The following ITPRID1 variants were observed in gnomAD, a reference collection of about 807,000 sequenced individuals.
ITPRID1 encodes the protein protein ITPRID1.
Under a neutral mutation model 95.4 loss-of-function variants are expected in ITPRID1, and 96 were observed. That is an observed-to-expected ratio of 1.01 (90% CI 0.85 to 1.19). ITPRID1 has a LOEUF of 1.19. Ranked by LOEUF, ITPRID1 falls within the 50% of genes most tolerant of loss-of-function variation. ITPRID1 has a pLI of 0.00. For missense variants in ITPRID1, 1,339 were observed against 1,252.9 expected (o/e 1.07, Z -1.04); for synonymous variants, 510 against 453.6 (o/e 1.12, Z -1.58).
intron 10 of ITPRID1, among the ~76,000 whole-genome samples, chr7:31,590,796 T>A (rs1785832940): frequency 6.6e-6 from 1 of 152,234 alleles, no homozygotes; most frequent in Non-Finnish European, 1.5e-5. Flanking sequence ...ACAGACACAC[T>A]GTGACAGGTA....
At chr7:31,601,552 A>C (rs975477245) in intron 10 of ITPRID1, among the ~76,000 whole-genome samples, 3 of 152,178 alleles carry the variant, frequency 2.0e-5, no homozygotes, top group Admixed American at 6.5e-5. Context: ...AAATTGCTCA[A>C]AGATGAAAGA....
chr7:31,644,011 G>A (rs539553402), intron 12 of ITPRID1, 58 bp downstream of exon 12: 3 of 1,457,916 alleles, frequency 2.1e-6, no homozygotes, highest in Non-Finnish European at 2.8e-6. Flanking sequence ...AAACACCTCA[G>A]GGATAATATT....
At chr7:31,616,306 C>A (rs1295943549) in intron 10 of ITPRID1, among the ~76,000 whole-genome samples, 36 of 152,032 alleles carry the variant, frequency 2.4e-4, no homozygotes, top group African/African-American at 8.2e-4. Flanking sequence ...ATGGTTATCC[C>A]TTCAGGGTCT....
intron 10 of ITPRID1, among the ~76,000 whole-genome samples, chr7:31,607,067 C>G (rs1253557791): frequency 6.6e-6 from 1 of 152,000 alleles, no homozygotes; most frequent in Non-Finnish European, 1.5e-5. Context: ...GAGCTCATGT[C>G]TTTCTTTCTT....
At chr7:31,546,951 C>CA (rs1309163750) in intron 1 of ITPRID1, among the ~76,000 whole-genome samples, 3 of 151,880 alleles carry the variant, frequency 2.0e-5, no homozygotes, top group Non-Finnish European at 2.9e-5. Flanking sequence ...AGAAAATCAG[C>CA]AAAAAAGCTT....
intron 1 of ITPRID1, among the ~76,000 whole-genome samples, chr7:31,546,166 C>T (rs1784090138): frequency 6.6e-6 from 1 of 152,042 alleles, no homozygotes; most frequent in African/African-American, 2.4e-5. Flanking sequence ...CTTGAAACTG[C>T]ATGCCCAATG....
chr7:31,579,180 G>T (rs548203140), intron 9 of ITPRID1, among the ~76,000 whole-genome samples: 94 of 150,762 alleles, frequency 6.2e-4, no homozygotes, highest in African/African-American at 2.1e-3. Context: ...TCAGAGTTGG[G>T]TTTTTTTTTC....
chr7:31,533,897 C>T (rs2128130939), intron 1 of ITPRID1, among the ~76,000 whole-genome samples: 1 of 152,236 alleles, frequency 6.6e-6, no homozygotes, highest in East Asian at 1.9e-4. Flanking sequence ...TCCCCAACCC[C>T]AGGCTGTGGA....
intron 10 of ITPRID1, among the ~76,000 whole-genome samples, chr7:31,630,910 T>A (rs1788932608): frequency 6.6e-6 from 1 of 151,916 alleles, no homozygotes; most frequent in Admixed American, 6.6e-5. Flanking sequence ...CATACAAAAA[T>A]GTATGAAATA....
chr7:31,532,441 A>G (rs1267088582), intron 1 of ITPRID1, among the ~76,000 whole-genome samples: 1 of 152,196 alleles, frequency 6.6e-6, no homozygotes, highest in Non-Finnish European at 1.5e-5. Context: ...CAATTTGAGG[A>G]GGAAGTGCTC....
At chr7:31,657,086 T>C (rs900261014), downstream of ITPRID1, among the ~76,000 whole-genome samples, 7 of 8,866 alleles carry the variant, frequency 7.9e-4, no homozygotes, top group Non-Finnish European at 1.1e-3. Flanking sequence ...ATATATATTT[T>C]ATATATGATA....
chr7:31,544,580 T>C (rs954538938), intron 1 of ITPRID1, among the ~76,000 whole-genome samples: 3 of 152,106 alleles, frequency 2.0e-5, no homozygotes, highest in Admixed American at 1.3e-4. Context: ...ATAAACAACG[T>C]TCTCCTTTAA....
chr7:31,617,774 GAAGATAATA>G (rs1191396262), intron 10 of ITPRID1, among the ~76,000 whole-genome samples: 2 of 152,100 alleles, frequency 1.3e-5, no homozygotes, highest in African/African-American at 4.8e-5. Context: ...GGTTGAAATT[GAAGATAATA>G]AAGATAAAAT....
At chr7:31,594,156 T>C (rs1318036050) in intron 10 of ITPRID1, among the ~76,000 whole-genome samples, 1 of 152,230 alleles carries the variant, frequency 6.6e-6, no homozygotes, top group Non-Finnish European at 1.5e-5. Flanking sequence ...CAGTATTCAG[T>C]ACAATAGCAT....
intron 1 of ITPRID1, chr7:31,517,627 G>C (rs1256194161): frequency 6.5e-6 from 1 of 152,888 alleles, no homozygotes; most frequent in Non-Finnish European, 1.5e-5. Context: ...CAGAGCCCAC[G>C]CCCACCCGGA....
At chr7:31,561,118 TATTTCAGAGG>T (rs1784608775) in intron 5 of ITPRID1, among the ~76,000 whole-genome samples, 1 of 152,054 alleles carries the variant, frequency 6.6e-6, no homozygotes, top group African/African-American at 2.4e-5. Flanking sequence ...TGAGAAGAGC[TATTTCAGAGG>T]AAAGATGGGA....
At chr7:31,607,240 G>C (rs1423991942) in intron 10 of ITPRID1, among the ~76,000 whole-genome samples, 1 of 152,128 alleles carries the variant, frequency 6.6e-6, no homozygotes, top group Non-Finnish European at 1.5e-5. Context: ...GGATATCTTA[G>C]CAAAATTAAT....
At position 31,651,356 on chromosome 7, in the gene ITPRID1, C is replaced by T. The variant is rs879119351; in HGVS notation, c.2711+87C>T. The stretch of plus-strand genomic sequence containing the variant: ...AATCAGGGCAGAACAGAGGAGCACC[C>T]TGGAGCAGAGCTAATGAGAAACCGG... On this transcript the variant is annotated intron_variant, in intron 13 of 14. Transcript: ENST00000615280. 37 of 1,446,494 alleles carry T rather than the reference C, an allele frequency of 2.6e-5. No homozygotes were observed. In the South Asian group the frequency reaches 4.8e-4, roughly 19 times the overall value. The allele number at this position is 1,446,494 out of a possible 1,614,324, so 89.6% of individuals were successfully genotyped here.
chr7:31,574,479 A>G (rs969225274), intron 7 of ITPRID1, 61 bp from the exon 8 acceptor site: 22 of 1,491,602 alleles, frequency 1.5e-5, no homozygotes, highest in Non-Finnish European at 2.0e-5. Flanking sequence ...TGAGGTGACC[A>G]GAAAAAAATG....
Sources: allele counts gnomAD v4.1 joint callset (sites outside exome capture counted in the v4.1 genomes callset), GRCh38; gene constraint gnomAD v4.1.1; transcripts MANE v1.5; gene names NCBI Gene and HGNC (gene_info 2026-07-23, HGNC 2026-07-21).